UBXN4: variants seen among roughly 807,000 people sequenced by gnomAD.
UBXN4 encodes the protein UBX domain protein 4.
UBXN4 carries 35 observed loss-of-function variants against 66.2 expected under a neutral mutation model. The observed-to-expected ratio is 0.53, with a 90% CI of 0.40 to 0.70. The LOEUF is 0.70. Ranked by LOEUF, UBXN4 falls within the 30% of genes least tolerant of loss-of-function variation. UBXN4 has a pLI of 0.00. For missense variants in UBXN4, 533 were observed against 599.8 expected (o/e 0.89, Z 1.16); for synonymous variants, 203 against 204.5 (o/e 0.99, Z 0.06).
At chr2:135,747,792 A>G in intron 1 of UBXN4, 1 of 414,126 alleles carries the variant, frequency 2.4e-6, no homozygotes, top group Non-Finnish European at 4.8e-6. Flanking sequence ...GCGCCACCAC[A>G]CCTGGCTAAG....
At chr2:135,771,815 G>T (rs770084124) in intron 8 of UBXN4, among the ~76,000 whole-genome samples, 1 of 152,076 alleles carries the variant, frequency 6.6e-6, no homozygotes, top group Non-Finnish European at 1.5e-5. Context: ...CACCCACCTC[G>T]GCCTCCCAAA....
chr2:135,774,776 C>T (rs980148117), intron 9 of UBXN4, among the ~76,000 whole-genome samples: 1 of 150,596 alleles, frequency 6.6e-6, no homozygotes, highest in Admixed American at 6.6e-5. Context: ...ACCAGGGAGG[C>T]GGAGGTTGTA....
At chr2:135,778,924 A>G (rs778060256) in intron 10 of UBXN4, 24 bp from the exon 11 acceptor site, 1 of 1,587,546 alleles carries the variant, frequency 6.3e-7, no homozygotes, top group African/African-American at 1.4e-5. Flanking sequence ...GGCACTCTTT[A>G]AGTTTTTAAA....
intron 1 of UBXN4, among the ~76,000 whole-genome samples, chr2:135,744,854 GA>G (rs1370633117): frequency 6.6e-6 from 1 of 152,190 alleles, no homozygotes; most frequent in African/African-American, 2.4e-5. Context: ...GTAGTATTAG[GA>G]AAGTTGTCAT....
intron 5 of UBXN4, among the ~76,000 whole-genome samples, chr2:135,759,357 G>T (rs887412930): frequency 1.3e-5 from 2 of 151,908 alleles, no homozygotes; most frequent in African/African-American, 4.8e-5. Context: ...AATTATCTAG[G>T]CAATATTTAT....
chr2:135,765,516 A>C (rs1018887144), intron 6 of UBXN4, among the ~76,000 whole-genome samples: 1 of 152,212 alleles, frequency 6.6e-6, no homozygotes, highest in South Asian at 2.1e-4. Context: ...CAGCCATGTC[A>C]TTATGTTTAA....
In UBXN4 at chr2:135,784,950, C is replaced by G. The variant is rs984361918; in HGVS notation, c.*2063C>G. The G allele has an allele frequency of 6.6e-6, 1 of 152,298 alleles. No individual in the cohort carries two copies. Among genetic ancestry groups the G allele is most frequent in the African/African-American group, 2.4e-5 (1 of 41,376 alleles). The allele number at this position is 152,298 out of a possible 1,614,324, so 9.4% of individuals were successfully genotyped here. ...TCACCTCTTACCCCAGTACTATTCT[C>G]CAGAGGTAATCTATTAACAATTTCT... is the stretch of plus-strand genomic sequence containing the variant. On this transcript the variant is annotated 3_prime_UTR_variant, in exon 13 of 13. Transcript: ENST00000272638.
At chr2:135,752,443 T>C (rs1247403272) in intron 2 of UBXN4, among the ~76,000 whole-genome samples, 2 of 152,208 alleles carry the variant, frequency 1.3e-5, no homozygotes, top group Non-Finnish European at 2.9e-5. Context: ...CCTCCCAAAT[T>C]GCTGGGATTA....
chr2:135,759,607 A>G (rs60504109), intron 5 of UBXN4, among the ~76,000 whole-genome samples: 4,262 of 152,168 alleles, frequency 0.028, 214 homozygotes, highest in African/African-American at 0.098. Flanking sequence ...TGACAAGACT[A>G]CTTTGTAGAT....
intron 1 of UBXN4, among the ~76,000 whole-genome samples, chr2:135,745,875 C>CTTTTTTTTCTTTTTTTTT (rs2077204434): frequency 1.3e-5 from 1 of 74,396 alleles, no homozygotes; most frequent in African/African-American, 5.1e-5. Context: ...GTCCCGTTTA[C>CTTTTTTTTCTTTTTTTTT]TTTTTTTTTT....
chr2:135,765,214 T>G (rs962194777), intron 6 of UBXN4, among the ~76,000 whole-genome samples: 4 of 152,024 alleles, frequency 2.6e-5, no homozygotes, highest in African/African-American at 9.7e-5. Flanking sequence ...TTATGTTTTT[T>G]TTTTTTTTCC....
At chr2:135,746,178 C>A (rs2077206697) in intron 1 of UBXN4, among the ~76,000 whole-genome samples, 1 of 152,094 alleles carries the variant, frequency 6.6e-6, no homozygotes, top group Admixed American at 6.5e-5. Flanking sequence ...TTTCCATGGT[C>A]AAATTTCTCA....
chr2:135,759,766 A>ATTTTTTT (rs10660396), intron 5 of UBXN4, among the ~76,000 whole-genome samples: 22 of 93,430 alleles, frequency 2.4e-4, no homozygotes, highest in Non-Finnish European at 3.5e-4. Context: ...TCAATCCAGA[A>ATTTTTTT]TTTTTTTTTT....
chr2:135,748,158 G>A (rs1032635974), intron 1 of UBXN4, 109 bp from the exon 2 acceptor site: 1 of 724,072 alleles, frequency 1.4e-6, no homozygotes. Context: ...TTGGCAGAAA[G>A]TGGTATAGGT....
intron 5 of UBXN4, among the ~76,000 whole-genome samples, chr2:135,758,060 C>T (rs1408268201): frequency 1.4e-5 from 2 of 148,108 alleles, no homozygotes; most frequent in East Asian, 4.0e-4. Flanking sequence ...AGGTGTGCAC[C>T]ACCACACCTG....
At chr2:135,747,598 CAACAG>C (rs2105491121) in intron 1 of UBXN4, 4 of 456,472 alleles carry the variant, frequency 8.8e-6, no homozygotes, top group South Asian at 6.2e-5. Context: ...ATGTTGAACT[CAACAG>C]AAAGGTGCCA....
At position 135,782,974 on chromosome 2, in the gene UBXN4, ATAT is replaced by A; in HGVS notation, c.*89_*91del. The A allele has an allele frequency of 7.1e-7, 1 of 1,413,458 alleles. No homozygotes were observed. Among genetic ancestry groups the A allele is most frequent in the Non-Finnish European group, 9.6e-7 (1 of 1,037,564 alleles). The allele number at this position is 1,413,458 out of a possible 1,614,324, so 87.6% of individuals were successfully genotyped here. On this transcript the variant is annotated 3_prime_UTR_variant, in exon 13 of 13. Transcript: ENST00000272638. ...TCTACTGGAGAAGTGGGACTGCTTTATATTTTCCAACTGGTCTATAAAATGTCT... is the reference window on the plus strand; with the variant it reads ...TCTACTGGAGAAGTGGGACTGCTTTATTTCCAACTGGTCTATAAAATGTCT...
At chr2:135,780,568 G>C (rs759179734) in intron 12 of UBXN4, among the ~76,000 whole-genome samples, 183 bp downstream of exon 12, 8 of 152,114 alleles carry the variant, frequency 5.3e-5, no homozygotes, top group Non-Finnish European at 4.4e-5. Context: ...CACTACCTGC[G>C]TTTTCTCAGC....
chr2:135,766,070 T>G (rs1472382871), intron 6 of UBXN4, among the ~76,000 whole-genome samples: 2 of 151,948 alleles, frequency 1.3e-5, no homozygotes, highest in East Asian at 3.9e-4. Flanking sequence ...GGAAAATTGC[T>G]TGAACCCAGG....
Sources: allele counts gnomAD v4.1 joint callset (sites outside exome capture counted in the v4.1 genomes callset), GRCh38; gene constraint gnomAD v4.1.1; transcripts MANE v1.5; gene names NCBI Gene and HGNC (gene_info 2026-07-23, HGNC 2026-07-21).